DMD: variants seen among roughly 807,000 people sequenced by gnomAD.
The protein encoded by DMD is mutant dystrophin.
Under a neutral mutation model 330.1 loss-of-function variants are expected in DMD, and 63 were observed. That is an observed-to-expected ratio of 0.19 (90% CI 0.16 to 0.24). The LOEUF (loss-of-function observed/expected upper bound fraction) is 0.24. DMD is among the 10% of genes least tolerant of loss of function. The pLI is 1.00. For synonymous variants in DMD, 1,223 were observed against 959.8 expected (o/e 1.27, Z -5.07); for missense variants, 3,344 against 2,684.1 (o/e 1.25, Z -5.43).
chrX:33,139,882 A>AAT (rs1291576381), intron 1 of DMD, among the ~76,000 whole-genome samples: 28 of 108,234 alleles, frequency 2.6e-4, no homozygotes, highest in African/African-American at 5.8e-4. Context: ...AAAAAAAAAA[A>AAT]AAAAAAAAAA....
chrX:32,685,876 C>T (rs1247573862), intron 9 of DMD, among the ~76,000 whole-genome samples: 2 of 111,784 alleles, frequency 1.8e-5, no homozygotes, highest in Non-Finnish European at 3.8e-5. Flanking sequence ...TTCTATTAAA[C>T]TTTATAATGA....
Position 32,699,198 on chromosome X carries a change from G to T in DMD, c.745C>A (p.Gln249Lys). 1 of 1,209,046 alleles carries T rather than the reference G, an allele frequency of 8.3e-7. No homozygotes were observed. The highest frequency in any genetic ancestry group is 3.0e-5 in the East Asian group (1 of 33,789). Residue 249 changes from glutamine (Q) to lysine (K), a missense_variant, in exon 8 of 79, where the codon CAG becomes AAG. Physicochemically the swap from Gln to Lys is moderately conservative, Grantham distance 53. Transcript: ENST00000357033. Reference protein sequence around the residue: ...LPQQVSIEAIQEVEMLPRPPK... With the variant: ...LPQQVSIEAIKEVEMLPRPPK... ...GGCCTTGGCAACATTTCCACTTCCT[G>T]GATGGCTTCAATGCTCACTTGTTGA...
At chrX:31,387,551 CA>C (rs758327756) in intron 60 of DMD, among the ~76,000 whole-genome samples, 1 of 111,309 alleles carries the variant, frequency 9.0e-6, no homozygotes, top group Non-Finnish European at 1.9e-5. Context: ...GGGCATGCAC[CA>C]CTATGCCTGG....
intron 60 of DMD, among the ~76,000 whole-genome samples, chrX:31,407,850 A>G (rs2061472737): frequency 9.0e-6 from 1 of 111,184 alleles, no homozygotes; most frequent in Non-Finnish European, 1.9e-5. Context: ...ATTTAGCTGA[A>G]GGATGGATTT....
At chrX:31,491,786 T>G (rs774567541) in intron 57 of DMD, among the ~76,000 whole-genome samples, 12 of 111,954 alleles carry the variant, frequency 1.1e-4, no homozygotes, top group Middle Eastern at 4.6e-3. Flanking sequence ...CAATTGATAT[T>G]GACTGTATAT....
At chrX:32,003,880 G>A (rs2095643532) in intron 44 of DMD, among the ~76,000 whole-genome samples, 1 of 111,251 alleles carries the variant, frequency 9.0e-6, no homozygotes, top group South Asian at 3.7e-4. Flanking sequence ...CTTGAATCCA[G>A]ATGCTGCGTG....
intron 1 of DMD, among the ~76,000 whole-genome samples, chrX:33,239,525 A>G (rs2052552427): frequency 1.8e-5 from 2 of 111,352 alleles, no homozygotes; most frequent in African/African-American, 6.5e-5. Context: ...ATGATTTGCT[A>G]AATTCTGTTC....
chrX:32,181,095 G>C (rs773795424), intron 44 of DMD, among the ~76,000 whole-genome samples: 180 of 111,978 alleles, frequency 1.6e-3, no homozygotes, highest in Non-Finnish European at 2.3e-3. Context: ...ACGAGTGAAA[G>C]CAGATTCAAA....
chrX:32,914,954 G>A (rs1347346269), intron 2 of DMD, among the ~76,000 whole-genome samples: 1 of 111,048 alleles, frequency 9.0e-6, no homozygotes, highest in Non-Finnish European at 1.9e-5. Context: ...GAGAACTTCA[G>A]TAACATTCCC....
Position 32,428,476 on chromosome X carries a change from A to G in DMD, c.4071+9765T>C, listed in dbSNP as rs2098222408. On this transcript the variant is annotated intron_variant, in intron 29 of 78. Transcript: ENST00000357033. The stretch of plus-strand genomic sequence containing the variant: ...TCAACTGTTAATCATCACTATCTTC[A>G]CTAACTTTTGTCTGGTGTCTTGAAA... Among the ~76,000 whole-genome samples, 5 of 111,658 alleles carry G rather than the reference A, an allele frequency of 4.5e-5. No individual in the cohort carries two copies. The Admixed American group carries it at 4.8e-4, about 11-fold the overall frequency.
intron 16 of DMD, among the ~76,000 whole-genome samples, chrX:32,548,812 A>T (rs1356621048): frequency 9.0e-5 from 10 of 111,573 alleles, no homozygotes; most frequent in Middle Eastern, 4.7e-3. Context: ...CTATGGAATC[A>T]TACTCCTGTC....
intron 55 of DMD, among the ~76,000 whole-genome samples, chrX:31,612,613 G>A (rs1355982553): frequency 8.9e-6 from 1 of 111,732 alleles, no homozygotes. Flanking sequence ...GCTGTGCTCA[G>A]ATTAGTAGGG....
intron 67 of DMD, 67 bp downstream of exon 67, chrX:31,203,894 T>G: frequency 9.7e-7 from 1 of 1,030,290 alleles, no homozygotes; most frequent in Non-Finnish European, 1.4e-6. Context: ...CGAAGCTCTG[T>G]GGGTTTTTTA....
At position 32,377,560 on chromosome X, in the gene DMD, C is replaced by T. The variant is rs761848989; in HGVS notation, c.4845+2950G>A. Among the ~76,000 whole-genome samples the T allele has an allele frequency of 2.7e-5, 3 of 111,685 alleles. No homozygotes were observed. In the Admixed American group the frequency reaches 2.9e-4, roughly 11 times the overall value. ...CTATGACATACACATGAATATGAAG[C>T]CCTGCTTTCCAATTAGATATAGGGC... On this transcript the variant is annotated intron_variant, in intron 34 of 78. Transcript: ENST00000357033.
chrX:33,262,863 T>A (rs1003537713), intron 1 of DMD, among the ~76,000 whole-genome samples: 4 of 110,149 alleles, frequency 3.6e-5, no homozygotes, highest in African/African-American at 9.9e-5. Context: ...AAATAAGAAA[T>A]AGACCAAAAG....
At chrX:33,199,981 G>C (rs1281369942) in intron 1 of DMD, among the ~76,000 whole-genome samples, 1 of 111,335 alleles carries the variant, frequency 9.0e-6, no homozygotes, top group African/African-American at 3.3e-5. Context: ...AATAATGAAA[G>C]CATGCAATTA....
At chrX:32,033,459 C>G (rs970966355) in intron 44 of DMD, among the ~76,000 whole-genome samples, 1 of 109,429 alleles carries the variant, frequency 9.1e-6, no homozygotes, top group South Asian at 3.9e-4. Context: ...AGGGTTAGCT[C>G]TAACCAAGCT....
At chrX:31,148,312 T>C (rs2036978716) in intron 74 of DMD, among the ~76,000 whole-genome samples, 1 of 112,545 alleles carries the variant, frequency 8.9e-6, no homozygotes, top group South Asian at 3.7e-4. Context: ...CATTTAAGAA[T>C]ATACATACCA....
chrX:31,535,555 T>C (rs2073322409), intron 55 of DMD, among the ~76,000 whole-genome samples: 1 of 103,244 alleles, frequency 9.7e-6, no homozygotes, highest in African/African-American at 3.5e-5. Flanking sequence ...ACCTAGGCAT[T>C]ACCATTCAGG....
Sources: allele counts gnomAD v4.1 joint callset (sites outside exome capture counted in the v4.1 genomes callset), GRCh38; gene constraint gnomAD v4.1.1; transcripts MANE v1.5; gene names NCBI Gene and HGNC (gene_info 2026-07-23, HGNC 2026-07-21).